CFAP96: variants seen among roughly 807,000 people sequenced by gnomAD.
The protein encoded by CFAP96 is cilia and flagella associated protein 96, also known as cilia-and flagella-associated protein 96.
chr4:185,444,100 CCCGCCACCGCGCCCGGCTAATTT>C, the CFAP96 span, among the ~76,000 whole-genome samples: 1 of 147,616 alleles, frequency 6.8e-6, no homozygotes, highest in Non-Finnish European at 1.5e-5. Context: ...ACTACAGGCG[CCCGCCACCGCGCCCGGCTAATTT>C]TTTGTATTTT....
the CFAP96 span, chr4:185,425,905 G>A: frequency 1.9e-6 from 3 of 1,584,922 alleles, no homozygotes; most frequent in East Asian, 2.3e-5. Flanking sequence ...GCTGACGCCT[G>A]CCCAAAAGTT....
At chr4:185,433,646 A>C in the CFAP96 span, among the ~76,000 whole-genome samples, 51 of 152,292 alleles carry the variant, frequency 3.3e-4, no homozygotes, top group Admixed American at 2.1e-3. Context: ...TCACACCTGT[A>C]ATCCCAGCAC....
chr4:185,420,427 C>T, the CFAP96 span, among the ~76,000 whole-genome samples: 10 of 152,054 alleles, frequency 6.6e-5, no homozygotes, highest in African/African-American at 2.2e-4. Flanking sequence ...CTTAGCCTTA[C>T]ATTCCTAAAT....
At chr4:185,420,872 A>C in the CFAP96 span, among the ~76,000 whole-genome samples, 1 of 152,222 alleles carries the variant, frequency 6.6e-6, no homozygotes, top group Non-Finnish European at 1.5e-5. Context: ...ACTAGGTAAA[A>C]AGTATCTGTA....
At chr4:185,443,336 ATATATATTTTTT>A in the CFAP96 span, among the ~76,000 whole-genome samples, 4 of 28,672 alleles carry the variant, frequency 1.4e-4, no homozygotes, top group Admixed American at 4.6e-4. Flanking sequence ...ATATATATAT[ATATATATTTTTT>A]TTTTTTTTTT....
the CFAP96 span, among the ~76,000 whole-genome samples, chr4:185,441,403 TA>T: frequency 6.6e-6 from 1 of 151,716 alleles, no homozygotes; most frequent in Middle Eastern, 3.4e-3. Flanking sequence ...TCTCTTCATA[TA>T]TTAAGGGTAC....
the CFAP96 span, chr4:185,432,209 T>C: frequency 6.5e-7 from 1 of 1,547,596 alleles, no homozygotes; most frequent in Non-Finnish European, 8.7e-7. Context: ...GCCGTAAGTG[T>C]TTTTTGGGAA....
chr4:185,434,173 T>C, the CFAP96 span, among the ~76,000 whole-genome samples: 3 of 151,412 alleles, frequency 2.0e-5, no homozygotes, highest in Non-Finnish European at 2.9e-5. Context: ...GAGCTGAGAC[T>C]GCACCACTGC....
chr4:185,422,392 ATCTC>A, the CFAP96 span: 10 of 867,104 alleles, frequency 1.2e-5, no homozygotes, highest in South Asian at 9.2e-5. Context: ...AGTTCATCCT[ATCTC>A]TCTCTCAGTT....
the CFAP96 span, among the ~76,000 whole-genome samples, chr4:185,417,563 T>C: frequency 6.6e-6 from 1 of 152,198 alleles, no homozygotes; most frequent in Non-Finnish European, 1.5e-5. Flanking sequence ...TTAGGCCTCT[T>C]CTAAAGAGGC....
the CFAP96 span, among the ~76,000 whole-genome samples, chr4:185,440,381 T>A: frequency 2.6e-5 from 4 of 152,156 alleles, no homozygotes; most frequent in Non-Finnish European, 4.4e-5. Context: ...ATCTTTTGTA[T>A]CATAAAAATA....
At chr4:185,415,611 G>A in the CFAP96 span, 10 of 1,112,112 alleles carry the variant, frequency 9.0e-6, no homozygotes, top group Middle Eastern at 6.2e-4. Context: ...AATAAACAAG[G>A]AGAAAATCAC....
the CFAP96 span, among the ~76,000 whole-genome samples, chr4:185,438,363 A>G: frequency 6.6e-6 from 1 of 152,070 alleles, no homozygotes; most frequent in Non-Finnish European, 1.5e-5. Flanking sequence ...GTAATGTCCA[A>G]TCTGCTGTTA....
chr4:185,419,550 A>C, the CFAP96 span, among the ~76,000 whole-genome samples: 6 of 152,328 alleles, frequency 3.9e-5, no homozygotes, highest in South Asian at 6.2e-4. Context: ...CACAGTTTTT[A>C]TCTCTCATCC....
chr4:185,422,640 T>C, the CFAP96 span: 2 of 982,440 alleles, frequency 2.0e-6, no homozygotes, highest in South Asian at 3.2e-5. Flanking sequence ...AGAATCTAAG[T>C]TTAGTGTTAA....
At chr4:185,411,631 A>G in the CFAP96 span, among the ~76,000 whole-genome samples, 4 of 152,214 alleles carry the variant, frequency 2.6e-5, no homozygotes, top group African/African-American at 9.7e-5. Flanking sequence ...AAGGGTAAAT[A>G]ATATATCTAT....
At chr4:185,413,075 A>G in the CFAP96 span, among the ~76,000 whole-genome samples, 2 of 152,104 alleles carry the variant, frequency 1.3e-5, no homozygotes, top group Admixed American at 6.5e-5. Context: ...GGAGGCCTAC[A>G]TGGCGGATCA....
the CFAP96 span, chr4:185,418,728 A>G: frequency 1.2e-6 from 2 of 1,612,466 alleles, no homozygotes; most frequent in East Asian, 2.2e-5. Flanking sequence ...CTTAGTTGAC[A>G]GGTCACTCAA....
At chr4:185,418,229 A>G in the CFAP96 span, among the ~76,000 whole-genome samples, 2 of 152,256 alleles carry the variant, frequency 1.3e-5, no homozygotes, top group Non-Finnish European at 2.9e-5. Flanking sequence ...AGAAAGCATT[A>G]TAAAAAAACC....
Sources: allele counts gnomAD v4.1 joint callset (sites outside exome capture counted in the v4.1 genomes callset), GRCh38; gene constraint gnomAD v4.1.1; transcripts MANE v1.5; gene names NCBI Gene and HGNC (gene_info 2026-07-23, HGNC 2026-07-21).